ZNF555: variants seen among roughly 807,000 people sequenced by gnomAD.
ZNF555 encodes zinc finger protein 555.
In ZNF555, 10 loss-of-function variants were observed where a neutral mutation model predicts 14.0. That is an observed-to-expected ratio of 0.72 (90% confidence interval 0.44 to 1.21). ZNF555 has a LOEUF of 1.21. ZNF555 is among the 50% of genes most tolerant of loss of function. ZNF555 has a pLI of 0.00. For missense variants in ZNF555, 747 were observed against 762.0 expected, an observed-to-expected ratio of 0.98 and a Z score of 0.23; for synonymous variants, 277 against 262.4, an observed-to-expected ratio of 1.06 and a Z score of -0.54.
intron 3 of ZNF555, among the ~76,000 whole-genome samples, chr19:2,852,032 TC>T (rs2087634208): frequency 6.6e-6 from 1 of 151,830 alleles, no homozygotes; most frequent in Admixed American, 6.6e-5. Context: ...AGGCCTGTAA[TC>T]CCAGCTACTC....
rs758159786 is a variant in ZNF555, at chr19:2,853,657, C to T, written c.1592C>T (p.Thr531Ile). Residue 531 changes from threonine (T) to isoleucine (I), a missense_variant, in exon 4 of 4, where the codon ACT (threonine) becomes ATT (isoleucine). Transcript: ENST00000334241. ...ELLQQHVRTH[T>I]VEKPYECKEC... ...TTGCAACAACATGTGAGAACGCACACTGTAGAGAAGCCCTATGAATGTAAG... is the reference window on the plus strand; with the variant it reads ...TTGCAACAACATGTGAGAACGCACATTGTAGAGAAGCCCTATGAATGTAAG... 1.3e-6 allele frequency: 2 copies of T among 1,591,322 alleles called. No individual in the cohort carries two copies. The highest frequency in any genetic ancestry group is 2.3e-5 in the South Asian group (2 of 86,090).
At chr19:2,844,266 C>T (rs535983555) in intron 1 of ZNF555, among the ~76,000 whole-genome samples, 6 of 152,252 alleles carry the variant, frequency 3.9e-5, no homozygotes, top group Non-Finnish European at 8.8e-5. Flanking sequence ...CCACGCCCAG[C>T]TAATTTTTGT....
Position 2,853,938 on chromosome 19 carries a change from G to T in ZNF555, c.1873G>T (p.Val625Leu), listed in dbSNP as rs759587210. The T allele has an allele frequency of 3.7e-6, 6 of 1,613,540 alleles. No homozygotes were observed. In the East Asian group the frequency reaches 1.3e-4, roughly 36 times the overall value. Residue 625 changes from valine to leucine, a missense_variant, in exon 4 of 4, where the codon GTG (valine) becomes TTG (leucine). Coordinates refer to ENST00000334241, the MANE Select transcript of ZNF555 (RefSeq NM_152791.5). The part of the protein sequence containing the change: ...ERDLIKVVNM[V>L]LPL ...AGATCTGATCAAAGTTGTAAATATG[G>T]TGTTGCCTTTATGAGTTCCTTATCC...
rs1484679443 is a variant in ZNF555 at position 2,858,982 on chromosome 19, C to G, written c.*5030C>G. On this transcript the variant is annotated 3_prime_UTR_variant, in exon 4 of 4. Coordinates refer to ENST00000334241, the MANE Select transcript of ZNF555 (RefSeq NM_152791.5). ...CCTCACGTGCCTCCTCCCCACAGTC[C>G]AGGACGCGTCTTACTAACGCCTCAC... is the stretch of plus-strand genomic sequence containing the variant. 1 of 152,452 alleles carries G rather than the reference C, an allele frequency of 6.6e-6. No homozygotes were observed. The highest frequency in any genetic ancestry group is 1.5e-5 in the Non-Finnish European group (1 of 68,206). 9.4% of individuals were successfully genotyped at this position (152,452 alleles called of 1,614,324 possible). A position where few individuals can be genotyped will look rare whatever the true frequency, so the allele number is the denominator to read the frequency against.
chr19:2,850,390 G>T (rs1474279461), intron 1 of ZNF555, among the ~76,000 whole-genome samples, 197 bp from the exon 2 acceptor site: 3 of 152,230 alleles, frequency 2.0e-5, no homozygotes, highest in African/African-American at 7.2e-5. Flanking sequence ...AGTATAGAGA[G>T]AAATTCAGTG....
rs892097402 is a variant in ZNF555 at position 2,855,230 on chromosome 19, G to T, written c.*1278G>T. ...TTGATTATGTATCATTAAAAATAAT[G>T]TGGATTTTGTTTCAAGGAAAACCTT... On this transcript the variant is annotated 3_prime_UTR_variant, in exon 4 of 4. Coordinates refer to ENST00000334241, the MANE Select transcript of ZNF555 (RefSeq NM_152791.5). 5 of 152,150 alleles carry T rather than the reference G, an allele frequency of 3.3e-5. No homozygotes were observed. The highest frequency in any genetic ancestry group is 1.2e-4 in the African/African-American group (5 of 41,422). 9.4% of individuals were successfully genotyped at this position (152,150 alleles called of 1,614,324 possible). A position where few individuals can be genotyped will look rare whatever the true frequency, so the allele number is the denominator to read the frequency against.
chr19:2,846,166 AT>A (rs1406248011), intron 1 of ZNF555, among the ~76,000 whole-genome samples: 1 of 152,294 alleles, frequency 6.6e-6, no homozygotes, highest in East Asian at 1.9e-4. Context: ...GCAGTTTTGC[AT>A]GTCTGTGATA....
Position 2,853,738 on chromosome 19 carries a change from A to G in ZNF555, c.1673A>G (p.His558Arg). The part of the protein sequence containing the change: ...PSSLPIHMRL[H>R]TGEKPYQCKH... The stretch of plus-strand genomic sequence containing the variant: ...TCTTTACCAATACATATGAGACTGC[A>G]CACTGGAGAGAAACCTTATCAATGT... The change falls in exon 4 of 4, where the codon CAC (histidine) becomes CGC (arginine). Residue 558 changes from histidine (H) to arginine (R), a missense_variant. By Grantham distance (29) the His-to-Arg change is conservative. Coordinates refer to ENST00000334241, the MANE Select transcript of ZNF555 (RefSeq NM_152791.5). 1 of 1,596,150 alleles carries G rather than the reference A, an allele frequency of 6.3e-7. No individual in the cohort carries two copies. Among genetic ancestry groups the G allele is most frequent in the Non-Finnish European group, 8.5e-7 (1 of 1,171,416 alleles).
chr19:2,843,824 C>T (rs76849311), intron 1 of ZNF555, among the ~76,000 whole-genome samples: 103 of 152,238 alleles, frequency 6.8e-4, no homozygotes, highest in African/African-American at 2.3e-3. Context: ...CAGATTTCCC[C>T]GAACACAGGG....
At chr19:2,852,240 C>G (rs1568344157) in intron 3 of ZNF555, 140 bp from the exon 4 acceptor site, 1 of 933,882 alleles carries the variant, frequency 1.1e-6, no homozygotes, top group East Asian at 2.6e-5. Context: ...CCAGGGCATT[C>G]AGTTTATTTC....
intron 1 of ZNF555, among the ~76,000 whole-genome samples, chr19:2,844,441 G>C (rs1171684021): frequency 6.6e-6 from 1 of 151,334 alleles, no homozygotes; most frequent in Non-Finnish European, 1.5e-5. Flanking sequence ...GTTTTGCCAT[G>C]TTGGCCAGGC....
Position 2,854,129 on chromosome 19 carries a change from A to G in ZNF555, c.*177A>G. On this transcript the variant is annotated 3_prime_UTR_variant, in exon 4 of 4. Coordinates refer to ENST00000334241, the MANE Select transcript of ZNF555 (RefSeq NM_152791.5). Reference sequence around the variant, plus strand: ...ATCTTAGAGTGTTTTGGACTCATGGATGATTTGAAGTGTATTTTTAATATG... The same window carrying G: ...ATCTTAGAGTGTTTTGGACTCATGGGTGATTTGAAGTGTATTTTTAATATG... The G allele has an allele frequency of 1.4e-6, 1 of 722,134 alleles. No individual in the cohort carries two copies. Among genetic ancestry groups the G allele is most frequent in the Non-Finnish European group, 2.2e-6 (1 of 458,798 alleles). 44.7% of individuals were successfully genotyped at this position (722,134 alleles called of 1,614,324 possible).
intron 2 of ZNF555, 117 bp downstream of exon 2, chr19:2,850,830 A>C (rs986820393): frequency 1.3e-5 from 16 of 1,270,962 alleles, no homozygotes; most frequent in Non-Finnish European, 1.8e-5. Flanking sequence ...TAAATAAGAC[A>C]GACATAGTCA....
chr19:2,844,350 G>A (rs1179993121), intron 1 of ZNF555, among the ~76,000 whole-genome samples: 2 of 152,138 alleles, frequency 1.3e-5, no homozygotes, highest in African/African-American at 2.4e-5. Context: ...TGATCTGCCC[G>A]CCTCAGCCTC....
At chr19:2,841,646 G>T (rs910731230) in intron 1 of ZNF555, 71 bp downstream of exon 1, 6 of 1,426,678 alleles carry the variant, frequency 4.2e-6, no homozygotes, top group Middle Eastern at 2.6e-4. Context: ...ACCGCGGCTT[G>T]GGGGGAGCTG....
In ZNF555 at chr19:2,854,319, T is replaced by G. The variant is rs1156757413; in HGVS notation, c.*367T>G. ...ATTTTTTAAGAAGTAGTTGGCAGAA[T>G]TTTGTAATTATGCAAAGTTGTTTAA... On this transcript the variant is annotated 3_prime_UTR_variant, in exon 4 of 4. Transcript: ENST00000334241. 4.6e-6 allele frequency: 1 copy of G among 216,570 alleles called. No homozygotes were observed. Among genetic ancestry groups the G allele is most frequent in the Non-Finnish European group, 9.2e-6 (1 of 108,472 alleles). The allele number at this position is 216,570 out of a possible 1,614,324, so 13.4% of individuals were successfully genotyped here.
rs2087682639 is a variant in ZNF555, at chr19:2,856,270, CCTT to C, written c.*2319_*2321del. 6.6e-6 allele frequency: 1 copy of C among 151,182 alleles called. No individual in the cohort carries two copies. Among genetic ancestry groups the C allele is most frequent in the African/African-American group, 2.4e-5 (1 of 41,048 alleles). The allele number at this position is 151,182 out of a possible 1,614,324, so 9.4% of individuals were successfully genotyped here. Reference sequence around the variant, plus strand: ...CCCAGGCTGGAGTGCAGTGGCACGACCTTAGCTCACTGCAACCTTCATCTCCCA... The same window carrying C: ...CCCAGGCTGGAGTGCAGTGGCACGACAGCTCACTGCAACCTTCATCTCCCA... On this transcript the variant is annotated 3_prime_UTR_variant, in exon 4 of 4. Coordinates refer to ENST00000334241, the MANE Select transcript of ZNF555 (RefSeq NM_152791.5).
At chr19:2,844,345 T>C (rs1419192134) in intron 1 of ZNF555, among the ~76,000 whole-genome samples, 1 of 151,868 alleles carries the variant, frequency 6.6e-6, no homozygotes, top group Non-Finnish European at 1.5e-5. Flanking sequence ...TCAGTTGATC[T>C]GCCCGCCTCA....
At position 2,854,053 on chromosome 19, in the gene ZNF555, C is replaced by A; in HGVS notation, c.*101C>A. On this transcript the variant is annotated 3_prime_UTR_variant, in exon 4 of 4. Coordinates refer to ENST00000334241, the MANE Select transcript of ZNF555 (RefSeq NM_152791.5). The stretch of plus-strand genomic sequence containing the variant: ...AATTCTCCAAATACTCTCAGCTATC[C>A]TACATGAATTTGAACAGGTAGTTTC... 1 of 1,434,426 alleles carries A rather than the reference C, an allele frequency of 7.0e-7. No homozygotes were observed. Among genetic ancestry groups the A allele is most frequent in the Non-Finnish European group, 9.4e-7 (1 of 1,060,718 alleles). The allele number at this position is 1,434,426 out of a possible 1,614,324, so 88.9% of individuals were successfully genotyped here.
Sources: allele counts gnomAD v4.1 joint callset (sites outside exome capture counted in the v4.1 genomes callset), GRCh38; gene constraint gnomAD v4.1.1; transcripts MANE v1.5; gene names NCBI Gene and HGNC (gene_info 2026-07-23, HGNC 2026-07-21).